Variants in ISY1 observed in about 807,000 individuals in gnomAD.
The protein encoded by ISY1 is pre-mRNA-splicing factor ISY1 homolog.
A neutral mutation model predicts 54.4 loss-of-function variants in ISY1; 12 were observed. That is an observed-to-expected ratio of 0.22 (90% confidence interval 0.14 to 0.36). The LOEUF (loss-of-function observed/expected upper bound fraction) is 0.36. ISY1 is among the 10% of genes least tolerant of loss of function. ISY1 has a pLI of 1.00. For missense variants in ISY1, 282 were observed against 342.2 expected (o/e 0.82, Z 1.39); for synonymous variants, 96 against 117.9 (o/e 0.81, Z 1.20).
chr3:129,158,098 A>G (rs932898860), intron 3 of ISY1, among the ~76,000 whole-genome samples: 3 of 150,582 alleles, frequency 2.0e-5, no homozygotes, highest in African/African-American at 7.3e-5. Flanking sequence ...TCCTCAAGTG[A>G]TCCACCCCCC....
chr3:129,159,246 T>C, intron 1 of ISY1, 70 bp from the exon 2 acceptor site: 2 of 1,567,554 alleles, frequency 1.3e-6, no homozygotes, highest in Non-Finnish European at 1.7e-6. Context: ...CTTTACTTTT[T>C]AGTGAAAAGT....
intron 9 of ISY1, among the ~76,000 whole-genome samples, chr3:129,132,678 G>C (rs1936269643): frequency 6.6e-6 from 1 of 152,140 alleles, no homozygotes; most frequent in South Asian, 2.1e-4. Context: ...CCTCCCCCTG[G>C]ACTATGAGCT....
At chr3:129,140,034 G>A (rs1429499823) in intron 7 of ISY1, among the ~76,000 whole-genome samples, 1 of 152,198 alleles carries the variant, frequency 6.6e-6, no homozygotes, top group African/African-American at 2.4e-5. Context: ...ACTGAAACAT[G>A]ACCTGATTCA....
Position 129,129,301 on chromosome 3 carries a change from G to C in ISY1, c.*780C>G, listed in dbSNP as rs767111465. 5.9e-5 allele frequency: 9 copies of C among 152,124 alleles called. No homozygotes were observed. The highest frequency in any genetic ancestry group is 8.8e-5 in the Non-Finnish European group (6 of 68,052). 9.4% of individuals were successfully genotyped at this position (152,124 alleles called of 1,614,324 possible). A position where few individuals can be genotyped will look rare whatever the true frequency, so the allele number is the denominator to read the frequency against. On this transcript the variant is annotated 3_prime_UTR_variant, in exon 11 of 11. Transcript: ENST00000393295. Reference sequence around the variant, plus strand: ...CAGGAGCGAGTGGAGCAGGTGGAGGGGGGCTAACGGAGAGCCCAGAGCAGC... The same window carrying C: ...CAGGAGCGAGTGGAGCAGGTGGAGGCGGGCTAACGGAGAGCCCAGAGCAGC...
chr3:129,158,404 C>CAAGTATTGGGATTA lies in ISY1; in HGVS notation c.78+103_78+104insTAATCCCAATACTT, dbSNP rs1937208694. 4 of 1,512,018 alleles carry CAAGTATTGGGATTA rather than the reference C, an allele frequency of 2.6e-6. No homozygotes were observed. The East Asian group carries it at 9.2e-5, about 35-fold the overall frequency. 93.7% of individuals were successfully genotyped at this position (1,512,018 alleles called of 1,614,324 possible). On this transcript the variant is annotated intron_variant, in intron 3 of 10. Transcript: ENST00000393295. The stretch of plus-strand genomic sequence containing the variant: ...AAACTCCTAGACTCAAGTGATCCAC[C>CAAGTATTGGGATTA]CACCTCAGCCTCCCCAAGTATTGGG...
At chr3:129,157,568 A>G (rs1937178522) in intron 3 of ISY1, among the ~76,000 whole-genome samples, 1 of 152,010 alleles carries the variant, frequency 6.6e-6, no homozygotes, top group Admixed American at 6.6e-5. Flanking sequence ...AAAATACAAA[A>G]AAATTAGCTG....
intron 6 of ISY1, chr3:129,144,024 T>C (rs1324001040): frequency 4.5e-6 from 1 of 221,302 alleles, no homozygotes; most frequent in Non-Finnish European, 9.6e-6. Flanking sequence ...AGTGTTGAAT[T>C]TGGGTGGTGG....
chr3:129,142,371 A>G (rs532173436), intron 6 of ISY1, among the ~76,000 whole-genome samples: 1 of 152,326 alleles, frequency 6.6e-6, no homozygotes, highest in African/African-American at 2.4e-5. Context: ...TAAACTTGAT[A>G]GCTCTACCAT....
chr3:129,138,768 T>C lies in ISY1; in HGVS notation c.418+1600A>G, dbSNP rs551610050. ...AGGCAGAGGTTGCAGTGAGCCGAGA[T>C]TGCACAACTACACTCCAGCCTGCGC... On this transcript the variant is annotated intron_variant, in intron 7 of 10. Transcript: ENST00000393295. 6.7e-5 allele frequency among the ~76,000 whole-genome samples: 10 copies of C among 149,164 alleles called. No homozygotes were observed. In the East Asian group the frequency reaches 1.2e-3, roughly 18 times the overall value.
At chr3:129,157,002 C>T in intron 3 of ISY1, 82 bp from the exon 4 acceptor site, 1 of 1,469,524 alleles carries the variant, frequency 6.8e-7, no homozygotes, top group Non-Finnish European at 9.4e-7. Context: ...GGCCTTAAGC[C>T]TAAATCATCT....
chr3:129,132,117 C>T (rs898106223), intron 9 of ISY1, among the ~76,000 whole-genome samples: 3 of 152,120 alleles, frequency 2.0e-5, no homozygotes, highest in Non-Finnish European at 2.9e-5. Flanking sequence ...GGTGTGACCA[C>T]CACCCCCGGC....
intron 10 of ISY1, 101 bp downstream of exon 10, chr3:129,130,449 C>T (rs928811126): frequency 3.3e-5 from 48 of 1,444,940 alleles, no homozygotes; most frequent in Non-Finnish European, 4.2e-5. Flanking sequence ...CCTGAGCTGC[C>T]CTGATGGGTA....
chr3:129,152,848 G>A (rs1239994686), intron 5 of ISY1, among the ~76,000 whole-genome samples: 1 of 152,122 alleles, frequency 6.6e-6, no homozygotes, highest in African/African-American at 2.4e-5. Flanking sequence ...TTCACAAAAT[G>A]AGTTACAAAG....
At position 129,130,012 on chromosome 3, in the gene ISY1, G is replaced by A. The variant is rs1936193032; in HGVS notation, c.*69C>T. 3.2e-6 allele frequency: 4 copies of A among 1,248,382 alleles called. No individual in the cohort carries two copies. Among genetic ancestry groups the A allele is most frequent in the Non-Finnish European group, 4.4e-6 (4 of 900,906 alleles). The allele number at this position is 1,248,382 out of a possible 1,614,324, so 77.3% of individuals were successfully genotyped here. On this transcript the variant is annotated 3_prime_UTR_variant, in exon 11 of 11. Coordinates refer to ENST00000393295, the MANE Select transcript of ISY1 (RefSeq NM_020701.4). The stretch of plus-strand genomic sequence containing the variant: ...AGGAGCCCTTGCAGCACCAGCCTGT[G>A]TCTGCAGCCCTGGGTCCTGAGGTAC...
At chr3:129,141,523 G>A (rs1287593642) in intron 6 of ISY1, among the ~76,000 whole-genome samples, 2 of 151,600 alleles carry the variant, frequency 1.3e-5, no homozygotes, top group African/African-American at 4.8e-5. Flanking sequence ...GGGAGGCCGA[G>A]GTGGGCGGAT....
At chr3:129,159,969 T>C (rs1326789839) in intron 1 of ISY1, among the ~76,000 whole-genome samples, 1 of 152,128 alleles carries the variant, frequency 6.6e-6, no homozygotes, top group East Asian at 1.9e-4. Flanking sequence ...AAATGCTTGG[T>C]AGATAGGCAA....
At chr3:129,156,157 G>C (rs1018126532) in intron 5 of ISY1, among the ~76,000 whole-genome samples, 1 of 152,050 alleles carries the variant, frequency 6.6e-6, no homozygotes, top group Non-Finnish European at 1.5e-5. Context: ...CCAGCACTTT[G>C]GGAGGCTGAG....
intron 5 of ISY1, among the ~76,000 whole-genome samples, chr3:129,150,915 A>T (rs1316689751): frequency 6.6e-6 from 1 of 151,240 alleles, no homozygotes; most frequent in Non-Finnish European, 1.5e-5. Flanking sequence ...ACTTGAGCCC[A>T]GAAGTTCCAG....
intron 1 of ISY1, 117 bp from the exon 2 acceptor site, chr3:129,159,293 T>C: frequency 7.5e-7 from 1 of 1,329,028 alleles, no homozygotes; most frequent in Non-Finnish European, 1.0e-6. Context: ...CCACTTGAAG[T>C]ACTATATGAA....
Sources: gnomAD v4.1 joint callset for allele counts (sites outside exome capture counted in the v4.1 genomes callset) on GRCh38, gnomAD v4.1.1 for gene constraint, MANE v1.5 for transcripts, NCBI Gene and HGNC (gene_info 2026-07-23, HGNC 2026-07-21) for gene names.